The following PIK3CD variants were observed in gnomAD, a reference collection of about 807,000 sequenced individuals.
The protein encoded by PIK3CD is phosphatidylinositol 4,5-bisphosphate 3-kinase catalytic subunit delta isoform.
PIK3CD carries 20 observed loss-of-function variants against 122.9 expected under a neutral mutation model. The ratio of observed to expected loss-of-function variants is 0.16; its 90% CI spans 0.11 to 0.24. PIK3CD has a LOEUF of 0.24. Among genes scored for constraint, PIK3CD ranks in the 10% least tolerant of loss-of-function variants. The pLI, the probability that PIK3CD is intolerant of heterozygous loss-of-function variation, is 1.00. For synonymous variants in PIK3CD, 596 were observed against 593.4 expected (o/e 1.00, Z -0.06); for missense variants, 787 against 1,406.3 (o/e 0.56, Z 7.04).
rs778194087 is a variant in PIK3CD at position 9,724,883 on chromosome 1, C to A, written c.2944C>A (p.Arg982=). 3 of 1,613,832 alleles carry A rather than the reference C, an allele frequency of 1.9e-6. No individual in the cohort carries two copies. Among genetic ancestry groups the A allele is most frequent in the Admixed American group, 1.7e-5 (1 of 60,004 alleles). Residue 982 remains arginine, a synonymous_variant, in exon 23 of 24, where the codon CGG becomes AGG. Transcript: ENST00000377346. This position sits in a 1 kb window ranked among gnomAD's most constrained non-coding sequence, Gnocchi z 7.3. ...CTTCCTCCACCTCTTTGCCCTGATGCGGGCGGCAGGCCTGCCTGAGCTCAG... is the reference window on the plus strand; with the variant it reads ...CTTCCTCCACCTCTTTGCCCTGATGAGGGCGGCAGGCCTGCCTGAGCTCAG... ...LLFLHLFALM[R]AAGLPELSCS... is the part of the protein sequence containing the mutation.
intron 1 of PIK3CD, chr1:9,672,514 G>A (rs1645362514): frequency 6.6e-6 from 1 of 152,138 alleles, no homozygotes; most frequent in Non-Finnish European, 1.5e-5. Context: ...ATGCAGCCTT[G>A]AACTCCTGAG....
In PIK3CD at chr1:9,689,876, T is replaced by C. The variant is rs1570245190; in HGVS notation, c.-137-1591T>C. Among the ~76,000 whole-genome samples the C allele has an allele frequency of 1.4e-5, 2 of 146,186 alleles. No individual in the cohort carries two copies. The highest frequency in any genetic ancestry group is 2.3e-4 in the South Asian group (1 of 4,306). On this transcript the variant is annotated intron_variant, in intron 1 of 23. Coordinates refer to ENST00000377346, the MANE Select transcript of PIK3CD (RefSeq NM_005026.5). This position sits in a 1 kb window ranked among gnomAD's most constrained non-coding sequence, Gnocchi z 6.1. ...ATCAGGGGTCCGGGGCCGTGGGGGC[T>C]TGGGGGGCCGAGGCAGGGGGTTGCG...
chr1:9,668,889 T>C (rs901570200), intron 1 of PIK3CD, among the ~76,000 whole-genome samples: 1 of 152,176 alleles, frequency 6.6e-6, no homozygotes, highest in Non-Finnish European at 1.5e-5. Context: ...GAGTAGGGGC[T>C]GACGGGGCTG....
upstream of PIK3CD, among the ~76,000 whole-genome samples, chr1:9,647,591 A>G (rs1644620652): frequency 6.6e-6 from 1 of 151,114 alleles, no homozygotes; most frequent in Admixed American, 6.6e-5. Context: ...GCAACCTTGA[A>G]TTTCTGGGCT....
At position 9,710,081 on chromosome 1, in the gene PIK3CD, C is replaced by T; in HGVS notation, c.-32-343C>T. 1 of 348,628 alleles carries T rather than the reference C, an allele frequency of 2.9e-6. No individual in the cohort carries two copies. The highest frequency in any genetic ancestry group is 2.4e-5 in the South Asian group (1 of 41,920). The allele number at this position is 348,628 out of a possible 1,614,324, so 21.6% of individuals were successfully genotyped here. On this transcript the variant is annotated intron_variant, in intron 2 of 23. Coordinates refer to ENST00000377346, the MANE Select transcript of PIK3CD (RefSeq NM_005026.5). This position sits in a 1 kb window ranked among gnomAD's most constrained non-coding sequence, Gnocchi z 4.7. ...GGTCTCAGGGCACCTGACCAGCTGT[C>T]CTGCCATCTCCCTTCTGTGCCAGCT...
the PIK3CD span, among the ~76,000 whole-genome samples, chr1:9,642,769 G>A: frequency 5.9e-4 from 89 of 150,202 alleles, no homozygotes; most frequent in East Asian, 5.6e-3. Flanking sequence ...GCACACTAGC[G>A]TGTCACAACC....
At chr1:9,697,700 TGTAGCAC>T (rs1409066691) in intron 2 of PIK3CD, among the ~76,000 whole-genome samples, 5 of 151,316 alleles carry the variant, frequency 3.3e-5, no homozygotes, top group African/African-American at 1.2e-4. Context: ...GCCATTGCAC[TGTAGCAC>T]GGGCAACAAA....
At chr1:9,696,917 A>G (rs7547337) in intron 2 of PIK3CD, among the ~76,000 whole-genome samples, 99,750 of 151,854 alleles carry the variant, frequency 0.66, 35,464 homozygotes, top group East Asian at 1. Flanking sequence ...GCAATGTACT[A>G]AGACCTTGTC....
At chr1:9,653,735 G>A (rs1314941855) in intron 1 of PIK3CD, 1 of 1,211,392 alleles carries the variant, frequency 8.3e-7, no homozygotes, top group South Asian at 1.2e-5. Flanking sequence ...TCTCTCTAGA[G>A]CAGAAATGCC....
rs1189260921 is a variant in PIK3CD at position 9,723,909 on chromosome 1, C to T, written c.2595-60C>T. 34 of 1,529,722 alleles carry T rather than the reference C, an allele frequency of 2.2e-5. No homozygotes were observed. Among genetic ancestry groups the T allele is most frequent in the Non-Finnish European group, 2.9e-5 (32 of 1,105,792 alleles). 94.8% of individuals were successfully genotyped at this position (1,529,722 alleles called of 1,614,324 possible). A position where few individuals can be genotyped will look rare whatever the true frequency, so the allele number is the denominator to read the frequency against. ...CAAGGGGAGAGGGAGTAATAACCCA[C>T]CTCTTGATAGGCGGAGCTGCAAAAT... is the stretch of plus-strand genomic sequence containing the variant. On this transcript the variant is annotated intron_variant, in intron 20 of 23. Transcript: ENST00000377346. This position sits in a 1 kb window ranked among gnomAD's most constrained non-coding sequence, Gnocchi z 4.9.
intron 1 of PIK3CD, among the ~76,000 whole-genome samples, chr1:9,677,950 G>T: frequency 6.6e-6 from 1 of 151,796 alleles, no homozygotes; most frequent in East Asian, 1.9e-4. Flanking sequence ...TCAGGAGTTC[G>T]AGACCAGCCC....
At position 9,723,837 on chromosome 1, in the gene PIK3CD, TG is replaced by T. The variant is rs1649070711; in HGVS notation, c.2595-131del. 17 of 819,586 alleles carry T rather than the reference TG, an allele frequency of 2.1e-5. 1 individual carries two copies. The South Asian group carries it at 2.3e-4, about 11-fold the overall frequency. 50.8% of individuals were successfully genotyped at this position (819,586 alleles called of 1,614,324 possible). A position where few individuals can be genotyped will look rare whatever the true frequency, so the allele number is the denominator to read the frequency against. On this transcript the variant is annotated intron_variant, in intron 20 of 23. Coordinates refer to ENST00000377346, the MANE Select transcript of PIK3CD (RefSeq NM_005026.5). The surrounding 1 kb of genome is among the most constrained non-coding windows in gnomAD (Gnocchi z 4.9). ...AGCGTCTGCAAGCGATGTCCAGCAT[TG>T]TGTCCTCCATGTTCTGTTGGTCAAA...
intron 1 of PIK3CD, among the ~76,000 whole-genome samples, chr1:9,679,934 T>A (rs1645685868): frequency 1.3e-5 from 2 of 151,932 alleles, no homozygotes; most frequent in Non-Finnish European, 2.9e-5. Flanking sequence ...AAGTGATCCT[T>A]CTGTTTCAGC....
At chr1:9,628,782 T>TGGAGGAGTGGGTGGTGAA in the PIK3CD span, among the ~76,000 whole-genome samples, 228 of 150,950 alleles carry the variant, frequency 1.5e-3, no homozygotes, top group African/African-American at 2.8e-3. Flanking sequence ...GTGGCCAGGG[T>TGGAGGAGTGGGTGGTGAA]GGAGGAGTGG....
rs772233114 is a variant in PIK3CD, at chr1:9,716,503, C to T, written c.664C>T (p.Arg222Trp). Residue 222 changes from arginine (R) to tryptophan (W), a missense_variant, in exon 6 of 24, where the codon CGG becomes TGG. Around this residue, in one of 6 missense-constraint regions of PIK3CD, gnomAD observed 592 missense variants for 920.6 expected, o/e 0.64. Transcript: ENST00000377346. ...VPLALMACALRKKATVFRQPL... is the reference protein window; with the variant it reads ...VPLALMACALWKKATVFRQPL... ...GCTGGCGCTGATGGCCTGTGCCCTG[C>T]GGAAGAAGGCCACAGTGTTCCGGCA... 6.8e-6 allele frequency: 11 copies of T among 1,610,942 alleles called. No homozygotes were observed. Among genetic ancestry groups the T allele is most frequent in the South Asian group, 1.1e-5 (1 of 90,992 alleles).
At chr1:9,656,942 CAAAAAAA>C (rs56008596) in intron 1 of PIK3CD, among the ~76,000 whole-genome samples, 8 of 115,008 alleles carry the variant, frequency 7.0e-5, no homozygotes, top group Non-Finnish European at 1.4e-4. Context: ...GACTCCATCT[CAAAAAAA>C]AAAAAAAAAA....
chr1:9,709,680 G>A (rs1243649564), intron 2 of PIK3CD, among the ~76,000 whole-genome samples: 1 of 151,536 alleles, frequency 6.6e-6, no homozygotes, highest in Non-Finnish European at 1.5e-5. Context: ...CTCCAGCTGG[G>A]GCAACAGAGT....
At chr1:9,697,496 C>A (rs1295018521) in intron 2 of PIK3CD, among the ~76,000 whole-genome samples, 4 of 151,312 alleles carry the variant, frequency 2.6e-5, no homozygotes, top group Non-Finnish European at 5.9e-5. Context: ...GAGTTTGAGA[C>A]CAGCCTGGGC....
chr1:9,665,076 C>T (rs1645117638), intron 1 of PIK3CD, among the ~76,000 whole-genome samples: 1 of 151,646 alleles, frequency 6.6e-6, no homozygotes, highest in African/African-American at 2.4e-5. Context: ...TGGTGGTGTG[C>T]ACCTGTGATT....
Sources: allele counts gnomAD v4.1 joint callset (sites outside exome capture counted in the v4.1 genomes callset), GRCh38; gene constraint gnomAD v4.1.1; regional missense constraint gnomAD v4.1.1; non-coding constraint Gnocchi (gnomAD v3.1); transcripts MANE v1.5; gene names NCBI Gene and HGNC (gene_info 2026-07-23, HGNC 2026-07-21).